The following ANKS1B variants were observed in gnomAD, a reference collection of about 807,000 sequenced individuals.
ANKS1B encodes the protein ankyrin repeat and sterile alpha motif domain-containing protein 1B.
In ANKS1B, 36 loss-of-function variants were observed where a neutral mutation model predicts 148.3. The observed-to-expected ratio is 0.24, with a 90% CI of 0.19 to 0.32. ANKS1B has a LOEUF of 0.32. Among genes scored for constraint, ANKS1B ranks in the 10% least tolerant of loss-of-function variants. The pLI, the probability that ANKS1B is intolerant of heterozygous loss-of-function variation, is 1.00. For synonymous variants in ANKS1B, 542 were observed against 560.8 expected (o/e 0.97, Z 0.47); for missense variants, 1,157 against 1,542.6 (o/e 0.75, Z 4.19).
intron 9 of ANKS1B, among the ~76,000 whole-genome samples, chr12:99,604,660 C>T (rs1319369392): frequency 6.6e-6 from 1 of 151,322 alleles, no homozygotes; most frequent in Non-Finnish European, 1.5e-5. Flanking sequence ...ACTAAAAATA[C>T]AAAAATTAGC....
chr12:98,747,858 A>C (rs1285686842), intron 26 of ANKS1B, among the ~76,000 whole-genome samples: 1 of 152,244 alleles, frequency 6.6e-6, no homozygotes, highest in African/African-American at 2.4e-5. Context: ...AGACACAGAA[A>C]GACAAATATT....
chr12:98,836,594 C>G (rs962414012), intron 17 of ANKS1B, among the ~76,000 whole-genome samples: 2 of 152,170 alleles, frequency 1.3e-5, no homozygotes. Context: ...AGCAGACTGT[C>G]TTTGCAAGCA....
rs1341544820 is a variant in ANKS1B at position 99,484,769 on chromosome 12, T to TTTTTG, written c.1438+19706_1438+19707insCAAAA. Among the ~76,000 whole-genome samples, 704 of 149,742 alleles carry TTTTTG rather than the reference T, an allele frequency of 4.7e-3. 29 individuals are homozygous for TTTTTG. The South Asian group carries it at 0.062, about 13-fold the overall frequency. ...GTCTTTGTGTGTGTGTGTGTGTTTT[T>TTTTTG]TTTTTTTTTTTTTTACCATTGGTGC... On this transcript the variant is annotated intron_variant, in intron 10 of 26. Transcript: ENST00000683438.
intron 14 of ANKS1B, among the ~76,000 whole-genome samples, chr12:99,185,100 G>GAGTGA (rs1263439993): frequency 2.0e-5 from 3 of 152,194 alleles, no homozygotes; most frequent in Non-Finnish European, 4.4e-5. Flanking sequence ...TCCAAGAGCT[G>GAGTGA]CATCAGAACA....
At chr12:99,323,712 A>G (rs1164698742) in intron 12 of ANKS1B, among the ~76,000 whole-genome samples, 1 of 152,212 alleles carries the variant, frequency 6.6e-6, no homozygotes, top group African/African-American at 2.4e-5. Flanking sequence ...AATGTATAGC[A>G]TGAGTAAGAT....
chr12:99,424,937 T>C (rs2095214014), intron 11 of ANKS1B, among the ~76,000 whole-genome samples: 1 of 151,956 alleles, frequency 6.6e-6, no homozygotes, highest in African/African-American at 2.4e-5. Context: ...AGGGTTCAAT[T>C]AAGGCAAAAG....
intron 14 of ANKS1B, among the ~76,000 whole-genome samples, chr12:99,218,323 G>A (rs994932001): frequency 2.0e-5 from 3 of 152,094 alleles, no homozygotes; most frequent in African/African-American, 7.2e-5. Flanking sequence ...TTCCCTAGGT[G>A]TCTTTATTGA....
chr12:99,737,856 C>G (rs2059758341), intron 8 of ANKS1B, among the ~76,000 whole-genome samples: 1 of 152,048 alleles, frequency 6.6e-6, no homozygotes, highest in African/African-American at 2.4e-5. Context: ...CCCTTCTGAT[C>G]AACCTCATTG....
chr12:99,190,767 T>C (rs2080559995), intron 14 of ANKS1B, among the ~76,000 whole-genome samples: 1 of 152,112 alleles, frequency 6.6e-6, no homozygotes, highest in Non-Finnish European at 1.5e-5. Flanking sequence ...GCAATACCAT[T>C]CAGGACACAG....
intron 9 of ANKS1B, among the ~76,000 whole-genome samples, chr12:99,577,832 T>C (rs1277886468): frequency 6.6e-6 from 1 of 152,076 alleles, no homozygotes; most frequent in East Asian, 1.9e-4. Context: ...ATTAAAATTA[T>C]TCAAAAAGAA....
chr12:99,548,736 G>T (rs2097192596), intron 9 of ANKS1B, among the ~76,000 whole-genome samples: 1 of 152,050 alleles, frequency 6.6e-6, no homozygotes, highest in Non-Finnish European at 1.5e-5. Context: ...AGTGCTCTTT[G>T]CCTTTGTTTT....
intron 12 of ANKS1B, among the ~76,000 whole-genome samples, chr12:99,387,339 C>G (rs1022369214): frequency 1.3e-5 from 2 of 152,106 alleles, no homozygotes; most frequent in East Asian, 1.9e-4. Flanking sequence ...GAAGCCTGGC[C>G]GGGCGCGGTG....
At chr12:99,977,565 G>T (rs996569871) in intron 1 of ANKS1B, among the ~76,000 whole-genome samples, 1 of 152,094 alleles carries the variant, frequency 6.6e-6, no homozygotes, top group African/African-American at 2.4e-5. Context: ...CATATTTTTT[G>T]ATCCATCTTC....
chr12:98,904,816 C>T (rs1157292752), intron 17 of ANKS1B, among the ~76,000 whole-genome samples: 1 of 151,942 alleles, frequency 6.6e-6, no homozygotes, highest in Middle Eastern at 3.2e-3. Context: ...CTACTATGTG[C>T]CAGGTCCTTT....
chr12:99,061,513 T>C (rs1193777178), intron 16 of ANKS1B, among the ~76,000 whole-genome samples: 2 of 152,178 alleles, frequency 1.3e-5, no homozygotes, highest in Non-Finnish European at 2.9e-5. Flanking sequence ...GAACCACACT[T>C]TGAGTAGTAG....
rs3054223 is a variant in ANKS1B at position 99,897,852 on chromosome 12, TAAA to T, written c.135-72466_135-72464del. ...GACATAAAGTTTGAAAATTAAAAGT[TAAA>T]AAAAAAAAAAAAAACCCTGAAAACT... On this transcript the variant is annotated intron_variant, in intron 1 of 26. Coordinates refer to ENST00000683438, the MANE Select transcript of ANKS1B (RefSeq NM_001352186.2). Among the ~76,000 whole-genome samples the T allele has an allele frequency of 1.8e-3, 218 of 117,964 alleles. 3 individuals are homozygous for T. The highest frequency in any genetic ancestry group is 5.6e-3 in the African/African-American group (198 of 35,446). 77.4% of individuals were successfully genotyped at this position (117,964 alleles called of 152,430 possible).
intron 8 of ANKS1B, among the ~76,000 whole-genome samples, chr12:99,756,893 T>C (rs761356417): frequency 6.6e-6 from 1 of 152,076 alleles, no homozygotes; most frequent in Non-Finnish European, 1.5e-5. Flanking sequence ...TGGCTAGCAA[T>C]ATGCAGAAAA....
chr12:99,247,008 G>A, intron 12 of ANKS1B, 144 bp from the exon 13 acceptor site: 1 of 669,818 alleles, frequency 1.5e-6, no homozygotes, highest in East Asian at 2.6e-5. Context: ...AAATACCCCT[G>A]ACCCCACAGT....
At chr12:99,035,868 C>T (rs2099955231) in intron 17 of ANKS1B, among the ~76,000 whole-genome samples, 1 of 152,110 alleles carries the variant, frequency 6.6e-6, no homozygotes, top group African/African-American at 2.4e-5. Flanking sequence ...GTGGCCATGG[C>T]TGGGCTTCGG....
Sources: allele counts gnomAD v4.1 joint callset (sites outside exome capture counted in the v4.1 genomes callset), GRCh38; gene constraint gnomAD v4.1.1; transcripts MANE v1.5; gene names NCBI Gene and HGNC (gene_info 2026-07-23, HGNC 2026-07-21).